OR8B2: variants seen among roughly 807,000 people sequenced by gnomAD.
OR8B2 encodes the protein olfactory receptor family 8 subfamily B member 2.
For missense variants in OR8B2, 304 were observed against 379.6 expected, an observed-to-expected ratio of 0.80 and a Z score of 1.65; for synonymous variants, 98 against 138.2, an observed-to-expected ratio of 0.71 and a Z score of 2.04.
rs1344565108 is a variant in OR8B2 at position 124,382,553 on chromosome 11, G to A, written c.791C>T (p.Ser264Phe). The change falls in exon 2 of 2, where the codon TCT (serine) becomes TTT (phenylalanine). Residue 264 changes from serine (S) to phenylalanine (F), a missense_variant. Coordinates refer to ENST00000641451, the MANE Select transcript of OR8B2 (RefSeq NM_001005468.2). Reference protein sequence around the residue: ...SAAFMYIKYSSGSMEQGKVSS... With the variant: ...SAAFMYIKYSFGSMEQGKVSS... Reference sequence around the variant, plus strand: ...AACTTTTCCCTGCTCCATAGATCCAGAAGAATATTTAATATACATGAATGC... The same window carrying A: ...AACTTTTCCCTGCTCCATAGATCCAAAAGAATATTTAATATACATGAATGC... The A allele has an allele frequency of 1.9e-6, 3 of 1,613,542 alleles. No homozygotes were observed.
At chr11:124,390,708 C>G in the OR8B2 span, among the ~76,000 whole-genome samples, 23 of 151,634 alleles carry the variant, frequency 1.5e-4, no homozygotes, top group Admixed American at 4.6e-4. Context: ...CTGTGTTTGC[C>G]TATGAGAACT....
At chr11:124,386,277 T>C (rs2134194091), upstream of OR8B2, among the ~76,000 whole-genome samples, 1 of 151,824 alleles carries the variant, frequency 6.6e-6, no homozygotes, top group East Asian at 1.9e-4. Flanking sequence ...ATTATTATAC[T>C]TTAAGTTTCA....
chr11:124,396,279 T>C, the OR8B2 span: 1 of 859,674 alleles, frequency 1.2e-6, no homozygotes, highest in Non-Finnish European at 1.7e-6. Context: ...GATGATTTCA[T>C]AAGAGAAATG....
chr11:124,391,534 C>T, the OR8B2 span, among the ~76,000 whole-genome samples: 1 of 151,954 alleles, frequency 6.6e-6, no homozygotes. Context: ...ATAAATTCCT[C>T]GACGCATACA....
At chr11:124,386,653 A>C (rs993896826), upstream of OR8B2, among the ~76,000 whole-genome samples, 4 of 151,636 alleles carry the variant, frequency 2.6e-5, no homozygotes, top group East Asian at 7.8e-4. Context: ...AATCCAGTCT[A>C]TCATTGTTGG....
upstream of OR8B2, among the ~76,000 whole-genome samples, chr11:124,388,543 C>T (rs1381974164): frequency 1.3e-5 from 2 of 152,062 alleles, no homozygotes; most frequent in Admixed American, 6.6e-5. Context: ...TACAGGAGCC[C>T]GGAGATTGGC....
At chr11:124,383,878 A>T (rs1173626842) in intron 1 of OR8B2, among the ~76,000 whole-genome samples, 14 of 152,324 alleles carry the variant, frequency 9.2e-5, no homozygotes, top group African/African-American at 3.4e-4. Context: ...GAAGACCCTT[A>T]GTAGTCGAGG....
the OR8B2 span, among the ~76,000 whole-genome samples, chr11:124,394,904 C>T: frequency 2.0e-5 from 3 of 152,076 alleles, no homozygotes; most frequent in South Asian, 2.1e-4. Context: ...TGGTGTTAAG[C>T]AAGATACTCC....
chr11:124,382,841 A>G lies in OR8B2; in HGVS notation c.503T>C (p.Phe168Ser). 1.2e-6 allele frequency: 2 copies of G among 1,604,730 alleles called. No individual in the cohort carries two copies. The highest frequency in any genetic ancestry group is 1.7e-6 in the Non-Finnish European group (2 of 1,172,700). ...ATGGTTGATGATATTAGCACTGCAGAAGGTGAGTCTAAGCATGCACCCGGT... is the reference window on the plus strand; with the variant it reads ...ATGGTTGATGATATTAGCACTGCAGGAGGTGAGTCTAAGCATGCACCCGGT... The part of the protein sequence containing the change: ...AHTGCMLRLT[F>S]CSANIINHYL... Residue 168 changes from phenylalanine (F) to serine (S), a missense_variant, in exon 2 of 2, where the codon TTC becomes TCC. Physicochemically the swap from Phe to Ser is radical, Grantham distance 155 (BLOSUM62 -2). Transcript: ENST00000641451.
the OR8B2 span, chr11:124,396,785 G>T: frequency 5.6e-6 from 9 of 1,613,076 alleles, no homozygotes; most frequent in Non-Finnish European, 3.4e-6. Flanking sequence ...AGGTGCTGGT[G>T]CAGGAAAGCT....
At chr11:124,397,180 G>A in the OR8B2 span, 14 of 1,612,214 alleles carry the variant, frequency 8.7e-6, no homozygotes, top group South Asian at 1.5e-4. Context: ...TAGTACATTG[G>A]TGTGTGGAGG....
chr11:124,389,161 G>GATCAT, upstream of OR8B2, among the ~76,000 whole-genome samples: 1 of 152,110 alleles, frequency 6.6e-6, no homozygotes, highest in South Asian at 2.1e-4. Context: ...TCACCCTTAT[G>GATCAT]ATCACCCTCT....
chr11:124,393,513 C>T, the OR8B2 span, among the ~76,000 whole-genome samples: 233 of 77,166 alleles, frequency 3.0e-3, 6 homozygotes, highest in African/African-American at 0.018. Context: ...CATGAAAAAA[C>T]GTTCATCATC....
At chr11:124,394,762 T>C in the OR8B2 span, among the ~76,000 whole-genome samples, 2 of 152,214 alleles carry the variant, frequency 1.3e-5, no homozygotes, top group African/African-American at 4.8e-5. Context: ...CATGGGGAGC[T>C]GAGCTGTTCT....
chr11:124,389,920 C>A, the OR8B2 span, among the ~76,000 whole-genome samples: 8 of 152,026 alleles, frequency 5.3e-5, no homozygotes, highest in South Asian at 1.7e-3. Flanking sequence ...AAGAGCAAAA[C>A]ATTGGCACAG....
chr11:124,388,973 G>T (rs568333441), upstream of OR8B2, among the ~76,000 whole-genome samples: 5 of 151,832 alleles, frequency 3.3e-5, no homozygotes, highest in African/African-American at 1.2e-4. Context: ...TTACAGGTGC[G>T]TGCCGCCACG....
At chr11:124,388,075 T>C (rs1860729161), upstream of OR8B2, among the ~76,000 whole-genome samples, 1 of 152,192 alleles carries the variant, frequency 6.6e-6, no homozygotes, top group African/African-American at 2.4e-5. Flanking sequence ...GTTATTGGTG[T>C]ATAAGAATGC....
the OR8B2 span, among the ~76,000 whole-genome samples, chr11:124,394,388 C>G: frequency 2.0e-5 from 3 of 151,908 alleles, 1 homozygote; most frequent in East Asian, 5.8e-4. Context: ...TTATAAATGC[C>G]TATTAAGGAT....
At chr11:124,397,214 G>C in the OR8B2 span, 1 of 1,610,144 alleles carries the variant, frequency 6.2e-7, no homozygotes, top group East Asian at 2.2e-5. Context: ...CGAAAAGAAT[G>C]ATCAAGCCAA....
Sources: gnomAD v4.1 joint callset for allele counts (sites outside exome capture counted in the v4.1 genomes callset) on GRCh38, gnomAD v4.1.1 for gene constraint, MANE v1.5 for transcripts, NCBI Gene and HGNC (gene_info 2026-07-23, HGNC 2026-07-21) for gene names.